The following SLC26A7 variants were observed in gnomAD, a reference collection of about 807,000 sequenced individuals.
The protein encoded by SLC26A7 is anion exchange transporter.
In SLC26A7, 59 loss-of-function variants were observed where a neutral mutation model predicts 82.5. The observed-to-expected ratio is 0.72, with a 90% CI of 0.58 to 0.89. SLC26A7 has a LOEUF of 0.89. Among genes scored for constraint, SLC26A7 ranks in the 40% least tolerant of loss-of-function variants. The probability of loss-of-function intolerance (pLI) is 0.00; values close to 1 mark genes in which losing one functional copy is unlikely to be tolerated. For missense variants in SLC26A7, 820 were observed against 793.0 expected (o/e 1.03, Z -0.41); for synonymous variants, 271 against 274.3 (o/e 0.99, Z 0.12).
intron 1 of SLC26A7, among the ~76,000 whole-genome samples, chr8:91,216,129 C>T (rs1014479680): frequency 1.3e-5 from 2 of 152,052 alleles, no homozygotes; most frequent in African/African-American, 2.4e-5. Context: ...GAATAATCAC[C>T]TTCAAAGTTT....
At chr8:91,272,387 C>T (rs1021636854) in intron 2 of SLC26A7, among the ~76,000 whole-genome samples, 1 of 151,986 alleles carries the variant, frequency 6.6e-6, no homozygotes, top group Non-Finnish European at 1.5e-5. Context: ...TAAATGGACC[C>T]CTGGACACAA....
intron 4 of SLC26A7, among the ~76,000 whole-genome samples, chr8:91,297,340 AT>A (rs1224087209): frequency 6.6e-6 from 1 of 151,916 alleles, no homozygotes; most frequent in Non-Finnish European, 1.5e-5. Flanking sequence ...GTATTCTGTT[AT>A]TATCTAGTAT....
intron 3 of SLC26A7, among the ~76,000 whole-genome samples, chr8:91,294,453 A>G (rs191747120): frequency 1.1e-3 from 167 of 152,130 alleles, no homozygotes; most frequent in African/African-American, 3.9e-3. Context: ...TTGAATTTCC[A>G]TTGAGACCTG....
chr8:91,243,298 C>T (rs1434051837), intron 2 of SLC26A7, among the ~76,000 whole-genome samples: 1 of 152,078 alleles, frequency 6.6e-6, no homozygotes, highest in East Asian at 1.9e-4. Context: ...TAAAAATAAC[C>T]TGATACAATA....
chr8:91,359,556 G>A lies in SLC26A7; in HGVS notation c.1315-2797G>A, dbSNP rs552208772. 2.6e-5 allele frequency among the ~76,000 whole-genome samples: 4 copies of A among 152,280 alleles called. No homozygotes were observed. The East Asian group carries it at 5.8e-4, about 22-fold the overall frequency. ...AGCAATGTGGTGTGTGCAAAGATAT[G>A]GTGTGAGAAAGGTGACATGGATATA... is the stretch of plus-strand genomic sequence containing the variant. On this transcript the variant is annotated intron_variant, in intron 11 of 18. Transcript: ENST00000276609.
intron 2 of SLC26A7, among the ~76,000 whole-genome samples, chr8:91,230,214 G>A (rs1810293525): frequency 6.6e-6 from 1 of 152,006 alleles, no homozygotes; most frequent in Non-Finnish European, 1.5e-5. Context: ...TCCAATTTGG[G>A]CTTGTCCAAT....
At chr8:91,378,510 T>A (rs1327335054) in intron 15 of SLC26A7, among the ~76,000 whole-genome samples, 1 of 149,672 alleles carries the variant, frequency 6.7e-6, no homozygotes, top group Non-Finnish European at 1.5e-5. Flanking sequence ...GGTATATATA[T>A]GTTGTAATAA....
intron 2 of SLC26A7, among the ~76,000 whole-genome samples, chr8:91,287,016 T>C (rs1398184775): frequency 6.6e-6 from 1 of 152,178 alleles, no homozygotes; most frequent in African/African-American, 2.4e-5. Flanking sequence ...GTTTTGGCCA[T>C]TGTTCATTGC....
intron 1 of SLC26A7, among the ~76,000 whole-genome samples, chr8:91,212,294 G>A (rs1218920559): frequency 6.6e-6 from 1 of 152,016 alleles, no homozygotes; most frequent in East Asian, 1.9e-4. Flanking sequence ...CCCAAGATAT[G>A]CATTTAATAG....
chr8:91,388,039 T>C (rs921878579), intron 15 of SLC26A7, among the ~76,000 whole-genome samples: 12 of 152,268 alleles, frequency 7.9e-5, no homozygotes, highest in African/African-American at 2.9e-4. Context: ...GAAATTACTT[T>C]GTAGCATTTC....
intron 1 of SLC26A7, among the ~76,000 whole-genome samples, chr8:91,216,986 C>T (rs746144223): frequency 2.0e-5 from 3 of 152,126 alleles, no homozygotes; most frequent in African/African-American, 7.2e-5. Context: ...AGTCAACCTT[C>T]AAAACCCAGC....
At chr8:91,302,266 T>G (rs562805128) in intron 4 of SLC26A7, among the ~76,000 whole-genome samples, 1 of 152,196 alleles carries the variant, frequency 6.6e-6, no homozygotes, top group South Asian at 2.1e-4. Flanking sequence ...TGATTTTTTT[T>G]GCACTGACTG....
intron 12 of SLC26A7, among the ~76,000 whole-genome samples, 158 bp from the exon 13 acceptor site, chr8:91,363,314 A>G (rs1305331041): frequency 2.0e-5 from 3 of 152,088 alleles, no homozygotes; most frequent in Non-Finnish European, 4.4e-5. Context: ...TCCCAGAGAT[A>G]TATAGATTCA....
chr8:91,361,291 T>C (rs1355812776), intron 11 of SLC26A7, among the ~76,000 whole-genome samples: 1 of 152,190 alleles, frequency 6.6e-6, no homozygotes, highest in Non-Finnish European at 1.5e-5. Context: ...TAGAAATATT[T>C]ATTTCAGACT....
rs897365065 is a variant in SLC26A7, at chr8:91,397,949, T to C, written c.*2852T>C. 1 of 152,538 alleles carries C rather than the reference T, an allele frequency of 6.6e-6. No individual in the cohort carries two copies. Among genetic ancestry groups the C allele is most frequent in the African/African-American group, 2.4e-5 (1 of 41,454 alleles). 9.4% of individuals were successfully genotyped at this position (152,538 alleles called of 1,614,324 possible). On this transcript the variant is annotated 3_prime_UTR_variant, in exon 19 of 19. Transcript: ENST00000276609. ...AATATGCTGTTTGGCAATGAGTTTG[T>C]GGCCAGATTTCAAATAGGGAGTTAA...
chr8:91,343,650 A>C, intron 9 of SLC26A7, among the ~76,000 whole-genome samples, 184 bp downstream of exon 9: 1 of 152,340 alleles, frequency 6.6e-6, no homozygotes, highest in East Asian at 1.9e-4. Flanking sequence ...CACTTACGAA[A>C]GCTAAGGATT....
At chr8:91,265,370 C>T (rs1321038740) in intron 2 of SLC26A7, among the ~76,000 whole-genome samples, 1 of 152,030 alleles carries the variant, frequency 6.6e-6, no homozygotes, top group African/African-American at 2.4e-5. Context: ...CTCTCTTCAA[C>T]ATACTGCTTT....
intron 4 of SLC26A7, among the ~76,000 whole-genome samples, chr8:91,299,415 G>GATTT (rs1812101455): frequency 7.7e-6 from 1 of 129,962 alleles, no homozygotes; most frequent in South Asian, 2.2e-4. Flanking sequence ...AGACTTCCAT[G>GATTT]ATTTATTTTT....
upstream of SLC26A7, among the ~76,000 whole-genome samples, chr8:91,244,885 T>A (rs1810523196): frequency 6.6e-6 from 1 of 151,938 alleles, no homozygotes; most frequent in African/African-American, 2.4e-5. Context: ...TCAAAATAGA[T>A]CACAGAATAT....
Sources: allele counts gnomAD v4.1 joint callset (sites outside exome capture counted in the v4.1 genomes callset), GRCh38; gene constraint gnomAD v4.1.1; transcripts MANE v1.5; gene names NCBI Gene and HGNC (gene_info 2026-07-23, HGNC 2026-07-21).